The following TMEM132D variants were observed in gnomAD, a reference collection of about 807,000 sequenced individuals.
The protein encoded by TMEM132D is mature OL transmembrane protein.
TMEM132D carries 21 observed loss-of-function variants against 62.3 expected under a neutral mutation model. The ratio of observed to expected loss-of-function variants is 0.34; its 90% CI spans 0.24 to 0.49. The LOEUF is 0.49. TMEM132D is among the 20% of genes least tolerant of loss of function. The pLI, the probability that TMEM132D is intolerant of heterozygous loss-of-function variation, is 0.99. For synonymous variants in TMEM132D, 621 were observed against 575.6 expected (o/e 1.08, Z -1.13); for missense variants, 1,346 against 1,402.8 (o/e 0.96, Z 0.65).
intron 5 of TMEM132D, among the ~76,000 whole-genome samples, chr12:129,146,094 G>A (rs1281298037): frequency 2.7e-5 from 4 of 148,362 alleles, no homozygotes; most frequent in Non-Finnish European, 3.0e-5. Flanking sequence ...TTTTTCTCTC[G>A]TAGCGAGAAC....
intron 2 of TMEM132D, among the ~76,000 whole-genome samples, chr12:129,607,479 A>G (rs1303847060): frequency 6.6e-6 from 1 of 152,182 alleles, no homozygotes; most frequent in Non-Finnish European, 1.5e-5. Flanking sequence ...AGATGAGTCA[A>G]TGTTGGGTGG....
chr12:129,868,479 T>C (rs190668307), intron 1 of TMEM132D, among the ~76,000 whole-genome samples: 93 of 152,322 alleles, frequency 6.1e-4, no homozygotes, highest in African/African-American at 2.2e-3. Flanking sequence ...TGACAAGCCA[T>C]ATTACAGCCT....
intron 1 of TMEM132D, among the ~76,000 whole-genome samples, chr12:129,850,492 T>A (rs114249227): frequency 0.012 from 1,877 of 152,292 alleles, 43 homozygotes; most frequent in African/African-American, 0.042. Context: ...GACATCAAGA[T>A]TCCTCTAAGT....
At chr12:129,540,556 A>G (rs1466290762) in intron 2 of TMEM132D, among the ~76,000 whole-genome samples, 1 of 150,916 alleles carries the variant, frequency 6.6e-6, no homozygotes, top group African/African-American at 2.4e-5. Context: ...TGTGATCTCC[A>G]CTCACTGCAA....
chr12:129,702,496 C>T (rs1297286421), intron 1 of TMEM132D, among the ~76,000 whole-genome samples: 1 of 152,196 alleles, frequency 6.6e-6, no homozygotes, highest in Admixed American at 6.5e-5. Context: ...CAGCCCCTCT[C>T]TGGGCACCCT....
intron 4 of TMEM132D, among the ~76,000 whole-genome samples, chr12:129,329,660 C>T (rs1449062446): frequency 2.6e-5 from 4 of 152,146 alleles, no homozygotes; most frequent in African/African-American, 4.8e-5. Context: ...ACCATCTCCT[C>T]GCAAATCCAT....
intron 5 of TMEM132D, among the ~76,000 whole-genome samples, chr12:129,101,147 T>C (rs1484376498): frequency 6.6e-6 from 1 of 152,038 alleles, no homozygotes; most frequent in Non-Finnish European, 1.5e-5. Flanking sequence ...GCAGTGCCAG[T>C]TAATGGCAGG....
intron 5 of TMEM132D, chr12:129,170,094 T>C (rs1369650408): frequency 6.6e-6 from 1 of 152,242 alleles, no homozygotes. Context: ...TCTGACTTCT[T>C]TGTGAATAAT....
chr12:129,584,264 T>C (rs1488456736), intron 2 of TMEM132D, among the ~76,000 whole-genome samples: 1 of 152,248 alleles, frequency 6.6e-6, no homozygotes, highest in South Asian at 2.1e-4. Flanking sequence ...CTGTCTCTAG[T>C]GTATTGCTAA....
At chr12:129,464,648 A>G (rs1426002270) in intron 3 of TMEM132D, among the ~76,000 whole-genome samples, 2 of 152,184 alleles carry the variant, frequency 1.3e-5, no homozygotes, top group Admixed American at 1.3e-4. Flanking sequence ...TAATTTTTGT[A>G]TAAGGTGTAA....
intron 3 of TMEM132D, among the ~76,000 whole-genome samples, chr12:129,356,545 C>G (rs539952598): frequency 1.3e-5 from 2 of 151,238 alleles, no homozygotes; most frequent in Non-Finnish European, 2.9e-5. Context: ...AGGCCGGGCT[C>G]GGTGACTCAT....
Position 129,254,420 on chromosome 12 carries a change from G to A in TMEM132D, c.1300-44757C>T, listed in dbSNP as rs139429392. ...TAGCGTCCTTGAGAAGTGCAGAGTGGTTAAGCAGGAGGTTCAAGTGACTTG... is the reference window on the plus strand; with the variant it reads ...TAGCGTCCTTGAGAAGTGCAGAGTGATTAAGCAGGAGGTTCAAGTGACTTG... On this transcript the variant is annotated intron_variant, in intron 4 of 8. Coordinates refer to ENST00000422113, the MANE Select transcript of TMEM132D (RefSeq NM_133448.3). Among the ~76,000 whole-genome samples the A allele has an allele frequency of 2.6e-5, 4 of 152,316 alleles. No individual in the cohort carries two copies. In the East Asian group the frequency reaches 7.7e-4, roughly 29 times the overall value.
intron 3 of TMEM132D, among the ~76,000 whole-genome samples, chr12:129,513,547 C>T (rs1017587081): frequency 7.9e-5 from 12 of 152,016 alleles, no homozygotes; most frequent in South Asian, 4.2e-4. Flanking sequence ...TGCAGTGGCG[C>T]GATCTCGGCT....
At chr12:129,621,817 G>A (rs1372589309) in intron 2 of TMEM132D, among the ~76,000 whole-genome samples, 4 of 152,196 alleles carry the variant, frequency 2.6e-5, no homozygotes, top group African/African-American at 9.6e-5. Flanking sequence ...CCTGAGGCAG[G>A]TTTCGAACCC....
chr12:129,299,260 A>G (rs1028189909), intron 4 of TMEM132D, among the ~76,000 whole-genome samples: 29 of 152,338 alleles, frequency 1.9e-4, no homozygotes, highest in African/African-American at 6.7e-4. Flanking sequence ...GTGTGTGGCC[A>G]AGGCAACCAT....
chr12:129,521,308 T>G (rs570933764), intron 3 of TMEM132D: 32 of 152,314 alleles, frequency 2.1e-4, no homozygotes, highest in Non-Finnish European at 4.0e-4. Flanking sequence ...CCTGCATTTA[T>G]TAATTGGAAT....
intron 2 of TMEM132D, among the ~76,000 whole-genome samples, chr12:129,668,592 A>C (rs1880431714): frequency 1.3e-5 from 2 of 152,260 alleles, no homozygotes; most frequent in South Asian, 4.1e-4. Flanking sequence ...AGTCAAGAGA[A>C]CTTATTTCTT....
At chr12:129,625,551 C>T (rs1565927581) in intron 2 of TMEM132D, among the ~76,000 whole-genome samples, 2 of 152,192 alleles carry the variant, frequency 1.3e-5, no homozygotes, top group African/African-American at 4.8e-5. Context: ...CAATACGAGA[C>T]ACTTTCATTG....
chr12:129,351,875 CT>C (rs1307213128), intron 3 of TMEM132D, among the ~76,000 whole-genome samples: 3 of 152,210 alleles, frequency 2.0e-5, no homozygotes, highest in African/African-American at 7.2e-5. Context: ...CATACCAGTG[CT>C]CTCTGACTGA....
Sources: allele counts gnomAD v4.1 joint callset (sites outside exome capture counted in the v4.1 genomes callset), GRCh38; gene constraint gnomAD v4.1.1; transcripts MANE v1.5; gene names NCBI Gene and HGNC (gene_info 2026-07-23, HGNC 2026-07-21).